Variants in ZNF165 observed in about 807,000 individuals in gnomAD.
ZNF165 encodes zinc finger protein 165.
In ZNF165, 14 loss-of-function variants were observed where a neutral mutation model predicts 19.6. The ratio of observed to expected loss-of-function variants is 0.71; its 90% CI spans 0.47 to 1.12. The LOEUF (loss-of-function observed/expected upper bound fraction) is 1.12. Among genes scored for constraint, ZNF165 ranks in the 50% most tolerant of loss-of-function variants. The pLI is 0.00. For missense variants in ZNF165, 504 were observed against 566.3 expected, an observed-to-expected ratio of 0.89 and a Z score of 1.12; for synonymous variants, 165 against 195.0, an observed-to-expected ratio of 0.85 and a Z score of 1.28.
chr6:28,083,796 A>G (rs530609764), intron 1 of ZNF165, among the ~76,000 whole-genome samples: 7 of 152,300 alleles, frequency 4.6e-5, no homozygotes, highest in African/African-American at 1.4e-4. Flanking sequence ...CACCACCTCT[A>G]GGAAATACCT....
chr6:28,085,081 T>C (rs1281753081), intron 1 of ZNF165, among the ~76,000 whole-genome samples: 1 of 152,292 alleles, frequency 6.6e-6, no homozygotes, highest in East Asian at 1.9e-4. Context: ...ATTGCAACCA[T>C]CTGTATTTTT....
Position 28,088,569 on chromosome 6 carries a change from A to G in ZNF165, c.557A>G (p.Glu186Gly). ...CCTTTCTTTTTTATTTTAGATAATG[A>G]GAGTGAAAACAGTAGATCCATGCCA... Reference protein sequence around the residue: ...EPQLLWDCDNESENSRSMPKL... With the variant: ...EPQLLWDCDNGSENSRSMPKL... Residue 186 changes from glutamate (E) to glycine (G), a missense_variant, in exon 4 of 4, where the codon GAG (glutamate) becomes GGG (glycine). Coordinates refer to ENST00000683778, the MANE Select transcript of ZNF165 (RefSeq NM_001376491.1). 1.3e-6 allele frequency: 2 copies of G among 1,575,480 alleles called. No homozygotes were observed. The highest frequency in any genetic ancestry group is 1.7e-6 in the Non-Finnish European group (2 of 1,165,918).
At chr6:28,087,484 T>C (rs547176948) in intron 3 of ZNF165, among the ~76,000 whole-genome samples, 179 of 152,322 alleles carry the variant, frequency 1.2e-3, no homozygotes, top group African/African-American at 4.2e-3. Flanking sequence ...GACTTCGTGA[T>C]CCGCCCGCCT....
chr6:28,084,143 C>T (rs1764217136), intron 1 of ZNF165, among the ~76,000 whole-genome samples: 1 of 152,212 alleles, frequency 6.6e-6, no homozygotes, highest in South Asian at 2.1e-4. Flanking sequence ...TCTCTAGGAG[C>T]AGGCCCCTAG....
chr6:28,087,925 A>C (rs1764316298), intron 3 of ZNF165, among the ~76,000 whole-genome samples: 1 of 152,238 alleles, frequency 6.6e-6, no homozygotes, highest in Non-Finnish European at 1.5e-5. Context: ...AAAAGTGCAG[A>C]GTCAAAACAG....
At position 28,089,378 on chromosome 6, in the gene ZNF165, T is replaced by G; in HGVS notation, c.1366T>G (p.Tyr456Asp). 1 of 1,614,182 alleles carries G rather than the reference T, an allele frequency of 6.2e-7. No homozygotes were observed. Among genetic ancestry groups the G allele is most frequent in the Non-Finnish European group, 8.5e-7 (1 of 1,180,028 alleles). ...TAGAATTCACACTGGAGAAAAACCC[T>G]ATGAATGCAGTGAGTGTGGAAGAGC... Reference protein sequence around the residue: ...HFRIHTGEKPYECSECGRAFS... With the variant: ...HFRIHTGEKPDECSECGRAFS... The change falls in exon 4 of 4, where the codon TAT (tyrosine) becomes GAT (aspartate). Residue 456 changes from tyrosine (Y) to aspartate (D), a missense_variant. Coordinates refer to ENST00000683778, the MANE Select transcript of ZNF165 (RefSeq NM_001376491.1).
At position 28,086,280 on chromosome 6, in the gene ZNF165, T is replaced by G. The variant is rs765949235; in HGVS notation, c.520T>G (p.Ser174Ala). 4.3e-6 allele frequency: 7 copies of G among 1,614,182 alleles called. No individual in the cohort carries two copies. The Admixed American group carries it at 8.3e-5, about 19-fold the overall frequency. The change falls in exon 3 of 4, where the codon TCA becomes GCA. Residue 174 changes from serine (S) to alanine (A), a missense_variant. Ser to Ala is a moderately conservative substitution (Grantham distance 99). Transcript: ENST00000683778. ...QPVETKAHFD[S>A]SEPQLLWDCD... is the part of the protein sequence containing the mutation. ...AGTGGAGACCAAGGCCCATTTTGAT[T>G]CATCAGAACCCCAGCTCCTATGGGA...
Position 28,085,726 on chromosome 6 carries a change from C to A in ZNF165, c.246C>A (p.Ile82=), listed in dbSNP as rs1301358912. ...ELCCQWLKPE[I]HTKEQILELL... ...GCTGTCAGTGGCTGAAGCCAGAGAT[C>A]CATACCAAGGAACAGATTCTGGAAC... Residue 82 remains isoleucine, a synonymous_variant, in exon 2 of 4, where the codon ATC becomes ATA. Coordinates refer to ENST00000683778, the MANE Select transcript of ZNF165 (RefSeq NM_001376491.1). 1 of 1,613,760 alleles carries A rather than the reference C, an allele frequency of 6.2e-7. No homozygotes were observed. Among genetic ancestry groups the A allele is most frequent in the African/African-American group, 1.3e-5 (1 of 74,924 alleles).
In ZNF165 at chr6:28,080,958, C is replaced by G. The variant is rs1012295066; in HGVS notation, c.-13C>G. Reference sequence around the variant, plus strand: ...ACCGGAAGTGTCCGATCGGAATCAGCCCTGTCCGAGAGGTGAGTCCGGGTT... The same window carrying G: ...ACCGGAAGTGTCCGATCGGAATCAGGCCTGTCCGAGAGGTGAGTCCGGGTT... On this transcript the variant is annotated 5_prime_UTR_variant, in exon 1 of 4. Transcript: ENST00000683778. The G allele has an allele frequency of 6.6e-6, 1 of 152,316 alleles. No homozygotes were observed. Among genetic ancestry groups the G allele is most frequent in the African/African-American group, 2.4e-5 (1 of 41,448 alleles). The allele number at this position is 152,316 out of a possible 1,614,324, so 9.4% of individuals were successfully genotyped here. A position where few individuals can be genotyped will look rare whatever the true frequency, so the allele number is the denominator to read the frequency against.
At chr6:28,083,466 T>C (rs1282980975) in intron 1 of ZNF165, among the ~76,000 whole-genome samples, 1 of 152,170 alleles carries the variant, frequency 6.6e-6, no homozygotes, top group Non-Finnish European at 1.5e-5. Flanking sequence ...GCATCACCTT[T>C]AATCGCCTGT....
intron 1 of ZNF165, among the ~76,000 whole-genome samples, chr6:28,084,532 A>C (rs904704754): frequency 1.3e-5 from 2 of 152,058 alleles, no homozygotes; most frequent in African/African-American, 4.8e-5. Context: ...GGCGGTGTGC[A>C]TCTGAAATCC....
chr6:28,084,607 C>T (rs1764228227), intron 1 of ZNF165, among the ~76,000 whole-genome samples: 1 of 152,010 alleles, frequency 6.6e-6, no homozygotes, highest in Non-Finnish European at 1.5e-5. Context: ...TGCAGTGAGC[C>T]GAGATCGCGC....
At position 28,089,544 on chromosome 6, in the gene ZNF165, G is replaced by C. The variant is rs577164355; in HGVS notation, c.*74G>C. 21 of 1,392,122 alleles carry C rather than the reference G, an allele frequency of 1.5e-5. No individual in the cohort carries two copies. The South Asian group carries it at 3.0e-4, about 20-fold the overall frequency. The allele number at this position is 1,392,122 out of a possible 1,614,324, so 86.2% of individuals were successfully genotyped here. A position where few individuals can be genotyped will look rare whatever the true frequency, so the allele number is the denominator to read the frequency against. On this transcript the variant is annotated 3_prime_UTR_variant, in exon 4 of 4. Transcript: ENST00000683778. ...AATATTAAATAAAAAATAAATATTG[G>C]GCAAGATGGAAGACTGAAAGACCAG...
chr6:28,088,660 A>G lies in ZNF165; in HGVS notation c.648A>G (p.Ile216Met), dbSNP rs1212984220. ...TATCTGGAAGAATCTCAGGATACAT[A>G]TCAGAAGCATCTGGTGAGTCTCAAG... ...RIISGRISGY[I>M]SEASGESQDI... The change falls in exon 4 of 4, where the codon ATA (isoleucine) becomes ATG (methionine). Residue 216 changes from isoleucine (I) to methionine (M), a missense_variant. Ile to Met is a conservative substitution (Grantham distance 10, BLOSUM62 1). Transcript: ENST00000683778. 3 of 1,614,204 alleles carry G rather than the reference A, an allele frequency of 1.9e-6. No homozygotes were observed. The highest frequency in any genetic ancestry group is 2.2e-5 in the East Asian group (1 of 44,886).
intron 2 of ZNF165, 38 bp downstream of exon 2, chr6:28,085,929 G>C (rs761595688): frequency 6.3e-7 from 1 of 1,592,008 alleles, no homozygotes. Flanking sequence ...CTCCATAATG[G>C]ATAAAGTTCC....
chr6:28,085,994 C>A (rs1038075389), intron 2 of ZNF165, 103 bp downstream of exon 2: 2 of 1,520,246 alleles, frequency 1.3e-6, no homozygotes, highest in Non-Finnish European at 1.8e-6. Context: ...GCTGTTGGTT[C>A]AGTGTGCATT....
rs1274734403 is a variant in ZNF165 at position 28,083,686 on chromosome 6, T to G, written c.1-1795T>G. ...GGTATGCTCTCACCATTGCTCCATC[T>G]GCGAGACACACCTTTCTATAGAAGC... On this transcript the variant is annotated intron_variant, in intron 1 of 3. Transcript: ENST00000683778. Among the ~76,000 whole-genome samples, 4 of 152,226 alleles carry G rather than the reference T, an allele frequency of 2.6e-5. No homozygotes were observed. In the East Asian group the frequency reaches 7.7e-4, roughly 29 times the overall value.
At chr6:28,086,374 C>T (rs1226806156) in intron 3 of ZNF165, 64 bp downstream of exon 3, 2 of 1,554,450 alleles carry the variant, frequency 1.3e-6, no homozygotes, top group Non-Finnish European at 8.7e-7. Flanking sequence ...TCTCCCTCCA[C>T]AAACTAGTCT....
intron 1 of ZNF165, among the ~76,000 whole-genome samples, chr6:28,082,440 A>G (rs1301595455): frequency 6.6e-6 from 1 of 152,152 alleles, no homozygotes; most frequent in East Asian, 1.9e-4. Context: ...TTGAACAGAG[A>G]TTTACCCACT....
Sources: allele counts gnomAD v4.1 joint callset (sites outside exome capture counted in the v4.1 genomes callset), GRCh38; gene constraint gnomAD v4.1.1; transcripts MANE v1.5; gene names NCBI Gene and HGNC (gene_info 2026-07-23, HGNC 2026-07-21).